Variants in FUT9 observed in about 807,000 individuals in gnomAD.
The protein encoded by FUT9 is fucosyltransferase 9.
A neutral mutation model predicts 29.7 loss-of-function variants in FUT9; 15 were observed. The ratio of observed to expected loss-of-function variants is 0.51; its 90% CI spans 0.34 to 0.78. The LOEUF (loss-of-function observed/expected upper bound fraction) is 0.78, where lower values mean the gene tolerates loss of function less well. FUT9 is among the 30% of genes least tolerant of loss of function. The pLI, the probability that FUT9 is intolerant of heterozygous loss-of-function variation, is 0.01. For missense variants in FUT9, 319 were observed against 425.4 expected (o/e 0.75, Z 2.20); for synonymous variants, 169 against 153.7 (o/e 1.10, Z -0.74).
intron 2 of FUT9, among the ~76,000 whole-genome samples, chr6:96,189,272 G>A (rs4535551): frequency 0.91 from 138,794 of 152,076 alleles, 64,691 homozygotes; most frequent in Non-Finnish European, 1. Flanking sequence ...GCATGGTGAT[G>A]GAGGGAATGC....
intron 1 of FUT9, among the ~76,000 whole-genome samples, chr6:96,076,861 C>G (rs1771148757): frequency 6.6e-6 from 1 of 152,098 alleles, no homozygotes; most frequent in Admixed American, 6.6e-5. Context: ...AACTGGAACA[C>G]TTTTTTGAAG....
In FUT9 at chr6:96,201,453, G is replaced by A. The variant is rs148867353; in HGVS notation, c.-8-1695G>A. Among the ~76,000 whole-genome samples, 512 of 151,622 alleles carry A rather than the reference G, an allele frequency of 3.4e-3. 4 individuals are homozygous for A. The highest frequency in any genetic ancestry group is 0.012 in the African/African-American group (483 of 41,398). ...ACATTATTACTCATTTCAAATTTCTGGCCCTTACCTTAACATTTTTCCTTC... is the reference window on the plus strand; with the variant it reads ...ACATTATTACTCATTTCAAATTTCTAGCCCTTACCTTAACATTTTTCCTTC... On this transcript the variant is annotated intron_variant, in intron 2 of 2. Transcript: ENST00000302103.
At chr6:96,109,513 A>C (rs1416741206) in intron 1 of FUT9, among the ~76,000 whole-genome samples, 1 of 152,220 alleles carries the variant, frequency 6.6e-6, no homozygotes, top group African/African-American at 2.4e-5. Context: ...CTCTACAAAA[A>C]AATTACTCAA....
chr6:96,203,070 A>G (rs1050937116), intron 2 of FUT9, 78 bp from the exon 3 acceptor site: 2 of 1,070,236 alleles, frequency 1.9e-6, no homozygotes, highest in African/African-American at 3.1e-5. Flanking sequence ...TTATGATTTT[A>G]AATATATCTC....
At chr6:96,075,597 T>C (rs982900787) in intron 1 of FUT9, among the ~76,000 whole-genome samples, 1 of 152,216 alleles carries the variant, frequency 6.6e-6, no homozygotes, top group South Asian at 2.1e-4. Context: ...TTCATTATAT[T>C]TTGAAAGGAA....
intron 2 of FUT9, among the ~76,000 whole-genome samples, chr6:96,127,889 G>A (rs564496827): frequency 1.3e-4 from 20 of 152,054 alleles, no homozygotes; most frequent in Admixed American, 1.2e-3. Context: ...TTTTTTGCCT[G>A]TTAATTTGTT....
At chr6:96,062,539 T>A (rs1361711571) in intron 1 of FUT9, among the ~76,000 whole-genome samples, 2 of 152,090 alleles carry the variant, frequency 1.3e-5, no homozygotes, top group Non-Finnish European at 2.9e-5. Flanking sequence ...ATTATGTTTT[T>A]TTCCCCATGC....
intron 1 of FUT9, among the ~76,000 whole-genome samples, chr6:96,045,763 T>TGG (rs1770551980): frequency 6.6e-6 from 1 of 152,200 alleles, no homozygotes; most frequent in Non-Finnish European, 1.5e-5. Context: ...CTGGTCACCC[T>TGG]GGGGAAGTTA....
At chr6:96,132,529 T>C (rs1772266306) in intron 2 of FUT9, among the ~76,000 whole-genome samples, 1 of 152,066 alleles carries the variant, frequency 6.6e-6, no homozygotes, top group Non-Finnish European at 1.5e-5. Context: ...GGAATATTTT[T>C]CTTCACAAAA....
At chr6:96,082,106 G>C (rs555417061) in intron 1 of FUT9, among the ~76,000 whole-genome samples, 2 of 151,504 alleles carry the variant, frequency 1.3e-5, no homozygotes, top group African/African-American at 4.8e-5. Context: ...TTCCAGTTCA[G>C]GTCTTGACTT....
intron 1 of FUT9, among the ~76,000 whole-genome samples, chr6:96,043,206 C>T (rs932753489): frequency 1.4e-4 from 22 of 152,252 alleles, no homozygotes; most frequent in South Asian, 4.1e-4. Context: ...CGCCCACCAC[C>T]ACGCCCGGCT....
intron 2 of FUT9, among the ~76,000 whole-genome samples, chr6:96,125,645 C>T (rs114249708): frequency 0.022 from 3,315 of 152,238 alleles, 73 homozygotes; most frequent in South Asian, 0.1. Flanking sequence ...TAGGAGGGAA[C>T]AGGGCTAGAA....
intron 1 of FUT9, among the ~76,000 whole-genome samples, chr6:96,077,225 C>A (rs528830265): frequency 6.6e-6 from 1 of 152,068 alleles, no homozygotes; most frequent in African/African-American, 2.4e-5. Context: ...GTTGCTCCCC[C>A]ACCAACACAC....
intron 2 of FUT9, among the ~76,000 whole-genome samples, chr6:96,135,901 CTG>C (rs1243099424): frequency 6.6e-6 from 1 of 150,948 alleles, no homozygotes; most frequent in Non-Finnish European, 1.5e-5. Flanking sequence ...AAGACCAACA[CTG>C]TCATCTCTGT....
At chr6:96,155,685 G>C (rs7764224) in intron 2 of FUT9, among the ~76,000 whole-genome samples, 1 of 149,594 alleles carries the variant, frequency 6.7e-6, no homozygotes, top group Non-Finnish European at 1.5e-5. Flanking sequence ...AAAAAAAAAA[G>C]GAAAGAAAGA....
chr6:96,158,492 A>T (rs1772833238), intron 2 of FUT9, among the ~76,000 whole-genome samples: 1 of 152,098 alleles, frequency 6.6e-6, no homozygotes, highest in African/African-American at 2.4e-5. Context: ...TGAATTTATG[A>T]TTTGACAAGG....
rs1231862175 is a variant in FUT9 at position 96,188,339 on chromosome 6, T to C, written c.-8-14809T>C. Among the ~76,000 whole-genome samples, 3 of 152,170 alleles carry C rather than the reference T, an allele frequency of 2.0e-5. No individual in the cohort carries two copies. In the East Asian group the frequency reaches 5.8e-4, roughly 30 times the overall value. On this transcript the variant is annotated intron_variant, in intron 2 of 2. Coordinates refer to ENST00000302103, the MANE Select transcript of FUT9 (RefSeq NM_006581.4). ...TAGAGTGCAGTGGCACAATCGTAGC[T>C]CACTGCAGCCTCGAACTCCTGGATT...
chr6:96,104,007 T>C (rs1439096153), intron 1 of FUT9, among the ~76,000 whole-genome samples: 1 of 152,192 alleles, frequency 6.6e-6, no homozygotes, highest in African/African-American at 2.4e-5. Flanking sequence ...AGGCGGCTAA[T>C]CTCAGCTAAG....
At chr6:96,090,541 A>T (rs895494293) in intron 1 of FUT9, among the ~76,000 whole-genome samples, 1 of 151,938 alleles carries the variant, frequency 6.6e-6, no homozygotes, top group African/African-American at 2.4e-5. Context: ...AAAAACTAAA[A>T]TAAAACATAT....
Sources: gnomAD v4.1 joint callset for allele counts (sites outside exome capture counted in the v4.1 genomes callset) on GRCh38, gnomAD v4.1.1 for gene constraint, MANE v1.5 for transcripts, NCBI Gene and HGNC (gene_info 2026-07-23, HGNC 2026-07-21) for gene names.